Variants in FBN2 observed in about 807,000 individuals in gnomAD.
FBN2 encodes fibrillin 2.
A neutral mutation model predicts 355.6 loss-of-function variants in FBN2; 105 were observed. The ratio of observed to expected loss-of-function variants is 0.30; its 90% CI spans 0.25 to 0.35. FBN2 has a LOEUF of 0.35. FBN2 is among the 10% of genes least tolerant of loss of function. The pLI is 1.00. For synonymous variants in FBN2, 1,350 were observed against 1,301.2 expected (o/e 1.04, Z -0.81); for missense variants, 3,280 against 3,758.7 (o/e 0.87, Z 3.33).
intron 12 of FBN2, among the ~76,000 whole-genome samples, chr5:128,378,241 A>G (rs2126959433): frequency 6.6e-6 from 1 of 152,268 alleles, no homozygotes; most frequent in African/African-American, 2.4e-5. Context: ...GATTAAGAGT[A>G]ACACAATGAA....
intron 5 of FBN2, among the ~76,000 whole-genome samples, chr5:128,498,008 G>A (rs1214350890): frequency 1.3e-5 from 2 of 152,186 alleles, no homozygotes; most frequent in Non-Finnish European, 2.9e-5. Context: ...TCTGTCCTGA[G>A]GAGGACTGTG....
intron 34 of FBN2, among the ~76,000 whole-genome samples, chr5:128,322,213 A>C (rs1411506036): frequency 6.6e-6 from 1 of 151,842 alleles, no homozygotes; most frequent in Non-Finnish European, 1.5e-5. Context: ...GATTACAAAA[A>C]TTTTCTTCCA....
chr5:128,363,723 T>C (rs1329965423), intron 18 of FBN2, among the ~76,000 whole-genome samples: 1 of 152,202 alleles, frequency 6.6e-6, no homozygotes, highest in Non-Finnish European at 1.5e-5. Context: ...GAATAAAAAC[T>C]AGCATGGTTT....
chr5:128,268,417 T>C (rs1029734369), intron 62 of FBN2, among the ~76,000 whole-genome samples: 1 of 152,070 alleles, frequency 6.6e-6, no homozygotes, highest in Non-Finnish European at 1.5e-5. Context: ...CAGGACCAGA[T>C]GGATTCTCAG....
At chr5:128,270,577 G>A (rs900656617) in intron 62 of FBN2, among the ~76,000 whole-genome samples, 1 of 152,094 alleles carries the variant, frequency 6.6e-6, no homozygotes, top group Non-Finnish European at 1.5e-5. Context: ...TCATCATTCA[G>A]GACACAGGCA....
chr5:128,407,198 A>T (rs1752948436), intron 8 of FBN2, among the ~76,000 whole-genome samples: 1 of 152,180 alleles, frequency 6.6e-6, no homozygotes, highest in Admixed American at 6.5e-5. Context: ...GGAGTCAGAG[A>T]GGTCAGGATT....
intron 39 of FBN2, among the ~76,000 whole-genome samples, chr5:128,310,758 C>T (rs2126845400): frequency 6.6e-6 from 1 of 152,238 alleles, no homozygotes; most frequent in Middle Eastern, 3.4e-3. Flanking sequence ...TAAGCTAGAA[C>T]TTATGGCTGT....
At chr5:128,283,979 C>T (rs1749063407) in intron 55 of FBN2, among the ~76,000 whole-genome samples, 1 of 152,178 alleles carries the variant, frequency 6.6e-6, no homozygotes, top group Non-Finnish European at 1.5e-5. Context: ...AATCTGTCCA[C>T]TCCTTTTCCA....
chr5:128,510,112 T>C (rs540168221), intron 5 of FBN2, among the ~76,000 whole-genome samples: 1 of 152,252 alleles, frequency 6.6e-6, no homozygotes, highest in African/African-American at 2.4e-5. Context: ...CCCCAGAACT[T>C]AGGGAGTCTG....
chr5:128,527,979 A>G lies in FBN2; in HGVS notation c.437-12T>C. The G allele has an allele frequency of 6.3e-7, 1 of 1,588,820 alleles. No homozygotes were observed. The highest frequency in any genetic ancestry group is 1.3e-5 in the African/African-American group (1 of 74,546). ...ACTGCACTGCTGAACTGCAAAGAGC[A>G]ATAACAAAAAGTATAAAAACATCAG... On this transcript the variant is annotated splice_polypyrimidine_tract_variant and intron_variant, in intron 3 of 64. Coordinates refer to ENST00000262464, the MANE Select transcript of FBN2 (RefSeq NM_001999.4).
At chr5:128,311,184 T>A in intron 39 of FBN2, 116 bp downstream of exon 39, 1 of 1,078,686 alleles carries the variant, frequency 9.3e-7, no homozygotes, top group Admixed American at 1.9e-5. Flanking sequence ...AAAAAAGCTA[T>A]GAACCAATCT....
intron 7 of FBN2, among the ~76,000 whole-genome samples, chr5:128,443,043 A>G (rs1039320582): frequency 6.6e-6 from 1 of 152,208 alleles, no homozygotes; most frequent in African/African-American, 2.4e-5. Flanking sequence ...GCCTTTCAGA[A>G]TAAGATTTCT....
chr5:128,472,515 G>A (rs542569419), intron 5 of FBN2, among the ~76,000 whole-genome samples: 40 of 152,254 alleles, frequency 2.6e-4, no homozygotes, highest in Middle Eastern at 3.4e-3. Context: ...CGACAGGCTG[G>A]GCACAGTGGC....
At chr5:128,453,440 A>G (rs377606831) in intron 6 of FBN2, among the ~76,000 whole-genome samples, 8 of 152,200 alleles carry the variant, frequency 5.3e-5, no homozygotes, top group Admixed American at 2.6e-4. Flanking sequence ...CAGAAACTTT[A>G]TAACTGGCTT....
chr5:128,322,708 TCAGGTGGTGTGATGCCTC>T (rs1277894358), intron 34 of FBN2, among the ~76,000 whole-genome samples: 12 of 152,210 alleles, frequency 7.9e-5, no homozygotes, highest in African/African-American at 2.4e-4. Flanking sequence ...TAGTTTGAAG[TCAGGTGGTGTGATGCCTC>T]CAGCTTTGTT....
intron 12 of FBN2, 53 bp downstream of exon 12, chr5:128,378,718 T>G: frequency 6.2e-7 from 1 of 1,604,854 alleles, no homozygotes; most frequent in South Asian, 1.1e-5. Context: ...CTCAACAGCC[T>G]TGGTCACTAT....
At chr5:128,291,710 T>C (rs1749328312) in intron 48 of FBN2, 56 bp from the exon 49 acceptor site, 1 of 1,510,774 alleles carries the variant, frequency 6.6e-7, no homozygotes, top group Non-Finnish European at 9.2e-7. Context: ...TAAACAATTG[T>C]CCATACTATC....
At chr5:128,366,904 G>C (rs1419069627) in intron 16 of FBN2, among the ~76,000 whole-genome samples, 1 of 152,158 alleles carries the variant, frequency 6.6e-6, no homozygotes, top group East Asian at 1.9e-4. Flanking sequence ...GGAAAAGGGG[G>C]AAACAGAGAA....
chr5:128,417,327 T>C (rs2127010938), intron 7 of FBN2, among the ~76,000 whole-genome samples: 1 of 152,330 alleles, frequency 6.6e-6, no homozygotes, highest in East Asian at 1.9e-4. Context: ...TCTTTTCTAA[T>C]TTGTATGCCT....
Sources: allele counts gnomAD v4.1 joint callset (sites outside exome capture counted in the v4.1 genomes callset), GRCh38; gene constraint gnomAD v4.1.1; transcripts MANE v1.5; gene names NCBI Gene and HGNC (gene_info 2026-07-23, HGNC 2026-07-21).